TPST2: variants seen among roughly 807,000 people sequenced by gnomAD.
TPST2 encodes protein-tyrosine sulfotransferase 2.
Under a neutral mutation model 27.8 loss-of-function variants are expected in TPST2, and 16 were observed. The ratio of observed to expected loss-of-function variants is 0.58; its 90% CI spans 0.39 to 0.88. TPST2 has a LOEUF of 0.88. Ranked by LOEUF, TPST2 falls within the 40% of genes least tolerant of loss-of-function variation. The pLI is 0.00. For missense variants in TPST2, 464 were observed against 543.1 expected (o/e 0.85, Z 1.45); for synonymous variants, 229 against 231.7 (o/e 0.99, Z 0.10).
chr22:26,550,953 G>T (rs1926436495), intron 1 of TPST2, among the ~76,000 whole-genome samples: 1 of 152,234 alleles, frequency 6.6e-6, no homozygotes, highest in Non-Finnish European at 1.5e-5. Context: ...AGGGAAAAAG[G>T]GCAGGGAGGC....
intron 1 of TPST2, among the ~76,000 whole-genome samples, chr22:26,552,329 C>A (rs1350792504): frequency 6.6e-6 from 1 of 152,114 alleles, no homozygotes; most frequent in Non-Finnish European, 1.5e-5. Context: ...ATGTACAGGG[C>A]CAACTGTGCA....
chr22:26,570,027 G>T, intron 1 of TPST2, among the ~76,000 whole-genome samples: 1 of 119,592 alleles, frequency 8.4e-6, no homozygotes, highest in Admixed American at 8.3e-5. Context: ...AAGAAAGAAA[G>T]AAAGAAAGAA....
At chr22:26,569,605 CA>C (rs1927519749) in intron 1 of TPST2, among the ~76,000 whole-genome samples, 1 of 151,860 alleles carries the variant, frequency 6.6e-6, no homozygotes, top group African/African-American at 2.4e-5. Flanking sequence ...GCCATGGTTA[CA>C]CCACTGCACT....
intron 1 of TPST2, among the ~76,000 whole-genome samples, chr22:26,556,879 G>A (rs949066418): frequency 3.9e-5 from 6 of 152,156 alleles, no homozygotes; most frequent in Non-Finnish European, 5.9e-5. Flanking sequence ...AGAAACACTT[G>A]ATGGCATATT....
At chr22:26,540,761 G>A (rs769682478) in intron 3 of TPST2, 28 bp downstream of exon 3, 23 of 1,540,898 alleles carry the variant, frequency 1.5e-5, no homozygotes, top group Middle Eastern at 3.5e-4. Flanking sequence ...GCCAGAGTCT[G>A]AGTGGAAGCA....
chr22:26,583,633 A>G (rs1602308811), intron 1 of TPST2, among the ~76,000 whole-genome samples: 1 of 151,974 alleles, frequency 6.6e-6, no homozygotes, highest in African/African-American at 2.4e-5. Flanking sequence ...AGGCAGGCGG[A>G]GTTCGAGACC....
intron 1 of TPST2, among the ~76,000 whole-genome samples, chr22:26,581,357 CCA>C (rs1335230170): frequency 2.0e-5 from 3 of 152,170 alleles, no homozygotes; most frequent in Non-Finnish European, 2.9e-5. Flanking sequence ...ATCCTAGTCC[CCA>C]CATCCTCTCA....
chr22:26,543,824 C>A (rs553689446), intron 2 of TPST2, among the ~76,000 whole-genome samples: 1 of 152,260 alleles, frequency 6.6e-6, no homozygotes, highest in East Asian at 1.9e-4. Context: ...ATGACCTGCA[C>A]GATGGCTTAA....
At chr22:26,588,470 CTA>C (rs1928426491) in intron 1 of TPST2, among the ~76,000 whole-genome samples, 1 of 152,130 alleles carries the variant, frequency 6.6e-6, no homozygotes, top group Non-Finnish European at 1.5e-5. Flanking sequence ...GTGGTGATGA[CTA>C]TGCAACTCTG....
intron 1 of TPST2, among the ~76,000 whole-genome samples, chr22:26,584,691 A>G (rs536038577): frequency 3.3e-5 from 5 of 152,062 alleles, no homozygotes; most frequent in African/African-American, 1.2e-4. Flanking sequence ...AAAACCCAAA[A>G]CAAAAAAAAA....
At chr22:26,587,547 G>C (rs1602312147) in intron 1 of TPST2, among the ~76,000 whole-genome samples, 3 of 152,196 alleles carry the variant, frequency 2.0e-5, no homozygotes, top group Admixed American at 2.0e-4. Context: ...CACCATATTG[G>C]ATAGGCTGGT....
intron 1 of TPST2, among the ~76,000 whole-genome samples, chr22:26,581,914 C>T (rs1928130047): frequency 6.6e-6 from 1 of 152,180 alleles, no homozygotes; most frequent in African/African-American, 2.4e-5. Context: ...CAACAGCAGC[C>T]ACAGACAAAA....
rs563867731 is a variant in TPST2, at chr22:26,522,333, T to C, written c.*3942A>G. Reference sequence around the variant, plus strand: ...ATAATAATAGCACCCAAGTAATGTATAGATTACCATGTTTTCACATATGGC... The same window carrying C: ...ATAATAATAGCACCCAAGTAATGTACAGATTACCATGTTTTCACATATGGC... On this transcript the variant is annotated 3_prime_UTR_variant, in exon 7 of 7. Coordinates refer to ENST00000338754, the MANE Select transcript of TPST2 (RefSeq NM_003595.5). 3 of 152,170 alleles carry C rather than the reference T, an allele frequency of 2.0e-5. No individual in the cohort carries two copies. Among genetic ancestry groups the C allele is most frequent in the Non-Finnish European group, 4.4e-5 (3 of 68,052 alleles). The allele number at this position is 152,170 out of a possible 1,614,324, so 9.4% of individuals were successfully genotyped here. A position where few individuals can be genotyped will look rare whatever the true frequency, so the allele number is the denominator to read the frequency against.
chr22:26,587,043 C>T (rs1928373727), intron 1 of TPST2, among the ~76,000 whole-genome samples: 1 of 152,182 alleles, frequency 6.6e-6, no homozygotes, highest in South Asian at 2.1e-4. Context: ...ACATAGGACA[C>T]TCCGGTGGCC....
intron 1 of TPST2, among the ~76,000 whole-genome samples, chr22:26,551,872 CTTTTCTTTTTCTTTTTTTT>C (rs1926490312): frequency 8.3e-6 from 1 of 120,064 alleles, no homozygotes; most frequent in Non-Finnish European, 1.7e-5. Context: ...TTTTCCTTTT[CTTTTCTTTTTCTTTTTTTT>C]TTTTTTTTTT....
chr22:26,574,064 C>T (rs1232831989), intron 1 of TPST2, among the ~76,000 whole-genome samples: 1 of 152,128 alleles, frequency 6.6e-6, no homozygotes, highest in East Asian at 1.9e-4. Context: ...AATTGGGGAA[C>T]AGCCTTTTCC....
At chr22:26,530,219 A>G (rs902327205) in intron 5 of TPST2, among the ~76,000 whole-genome samples, 1 of 152,172 alleles carries the variant, frequency 6.6e-6, no homozygotes, top group Non-Finnish European at 1.5e-5. Flanking sequence ...GACTGCAGGC[A>G]TGCCACTGCA....
intron 3 of TPST2, among the ~76,000 whole-genome samples, chr22:26,538,205 C>T (rs925059040): frequency 3.9e-5 from 6 of 152,130 alleles, no homozygotes; most frequent in Non-Finnish European, 7.3e-5. Flanking sequence ...AAGACAAGAC[C>T]GGGCGTGAGG....
chr22:26,568,988 C>T (rs980249136), intron 1 of TPST2, among the ~76,000 whole-genome samples: 7 of 151,882 alleles, frequency 4.6e-5, no homozygotes, highest in African/African-American at 1.5e-4. Flanking sequence ...CTCAGCCTCC[C>T]GAGTAGCTGG....
Sources: gnomAD v4.1 joint callset for allele counts (sites outside exome capture counted in the v4.1 genomes callset) on GRCh38, gnomAD v4.1.1 for gene constraint, MANE v1.5 for transcripts, NCBI Gene and HGNC (gene_info 2026-07-23, HGNC 2026-07-21) for gene names.